SRCAP: variants seen among roughly 807,000 people sequenced by gnomAD.
SRCAP encodes Snf2 related CREBBP activator protein.
SRCAP carries 46 observed loss-of-function variants against 263.1 expected under a neutral mutation model. That is an observed-to-expected ratio of 0.17 (90% confidence interval 0.14 to 0.22). The LOEUF is 0.22. Among genes scored for constraint, SRCAP ranks in the 10% least tolerant of loss-of-function variants. The pLI is 1.00. For missense variants in SRCAP, 3,695 were observed against 4,181.9 expected (o/e 0.88, Z 3.21); for synonymous variants, 1,813 against 1,662.1 (o/e 1.09, Z -2.21).
rs974449703 is a variant in SRCAP at position 30,738,709 on chromosome 16, A to G, written c.8669A>G (p.Asn2890Ser). The G allele has an allele frequency of 2.4e-5, 39 of 1,613,828 alleles. No homozygotes were observed. The highest frequency in any genetic ancestry group is 3.0e-5 in the Non-Finnish European group (35 of 1,179,980). Reference protein sequence around the residue: ...APSSTLKGKTNGADPVPGPET... With the variant: ...APSSTLKGKTSGADPVPGPET... ...TCATCCACCTTGAAGGGAAAAACCA[A>G]TGGGGCTGACCCAGTCCCTGGGCCT... Residue 2890 changes from asparagine (N) to serine (S), a missense_variant, in exon 34 of 34, where the codon AAT (asparagine) becomes AGT (serine). By Grantham distance (46) the Asn-to-Ser change is conservative. This residue lies in a region of SRCAP where 1,207 missense variants were observed against 1,142.9 expected (regional missense o/e 1.06). Coordinates refer to ENST00000262518, the MANE Select transcript of SRCAP (RefSeq NM_006662.3).
At chr16:30,700,092 T>G (rs1423251958) in intron 2 of SRCAP, 111 bp downstream of exon 2, 5 of 152,172 alleles carry the variant, frequency 3.3e-5, no homozygotes, top group African/African-American at 1.2e-4. Context: ...CATGGGAATG[T>G]TTGCATGTGA....
intron 5 of SRCAP, 60 bp from the exon 6 acceptor site, chr16:30,707,512 T>C (rs1236031828): frequency 6.2e-7 from 1 of 1,606,614 alleles, no homozygotes; most frequent in Non-Finnish European, 8.5e-7. Context: ...TTATTTTCTT[T>C]GCCTTTGGGT....
In SRCAP at chr16:30,700,839, C is replaced by T. The variant is rs746338266; in HGVS notation, c.15C>T (p.Pro5=). 6.2e-7 allele frequency: 1 copy of T among 1,614,152 alleles called. No individual in the cohort carries two copies. Among genetic ancestry groups the T allele is most frequent in the Non-Finnish European group, 8.5e-7 (1 of 1,179,986 alleles). The change falls in exon 3 of 34, where the codon CCC becomes CCT. Residue 5 remains proline (P), a synonymous_variant. Coordinates refer to ENST00000262518, the MANE Select transcript of SRCAP (RefSeq NM_006662.3). MQSS[P]SPAHPQLPVL... ...GGAGTGGGACCATGCAGAGCAGCCC[C>T]TCCCCTGCTCACCCTCAGCTCCCAG...
chr16:30,701,901 G>A (rs1442316076), intron 3 of SRCAP, among the ~76,000 whole-genome samples: 3 of 150,668 alleles, frequency 2.0e-5, no homozygotes, highest in African/African-American at 4.9e-5. Flanking sequence ...CAAAGTATTA[G>A]GATTACAGGT....
At position 30,737,497 on chromosome 16, in the gene SRCAP, C is replaced by G; in HGVS notation, c.7457C>G (p.Pro2486Arg). Reference protein sequence around the residue: ...ILPVHILPSPPPPSQIPPCSS... With the variant: ...ILPVHILPSPRPPSQIPPCSS... ...CCTGTCCATATCTTGCCTTCTCCTC[C>G]CCCTCCTTCACAGATTCCTCCTTGT... The change falls in exon 34 of 34, where the codon CCC becomes CGC. Residue 2486 changes from proline (P) to arginine (R), a missense_variant. Physicochemically the swap from Pro to Arg is moderately radical, Grantham distance 103. This residue lies in a region of SRCAP where 1,207 missense variants were observed against 1,142.9 expected (regional missense o/e 1.06). Transcript: ENST00000262518. 1 of 1,597,776 alleles carries G rather than the reference C, an allele frequency of 6.3e-7. No individual in the cohort carries two copies. The highest frequency in any genetic ancestry group is 2.2e-5 in the East Asian group (1 of 44,802).
intron 18 of SRCAP, among the ~76,000 whole-genome samples, chr16:30,717,555 TC>T (rs1330714072): frequency 6.8e-6 from 1 of 147,342 alleles, no homozygotes; most frequent in Non-Finnish European, 1.5e-5. Context: ...CAAATAGTCC[TC>T]CCGCCTCAGC....
intron 10 of SRCAP, 126 bp downstream of exon 10, chr16:30,711,214 C>T: frequency 1.4e-6 from 1 of 735,534 alleles, no homozygotes; most frequent in South Asian, 1.6e-5. Context: ...ATGACTAAGA[C>T]AGACTTGTAA....
chr16:30,725,300 G>A (rs1050097198), intron 25 of SRCAP: 5 of 975,438 alleles, frequency 5.1e-6, no homozygotes, highest in African/African-American at 5.0e-5. Context: ...GGATTACAGG[G>A]GTGAGCCACC....
Position 30,738,231 on chromosome 16 carries a change from A to C in SRCAP, c.8191A>C (p.Arg2731=). 1 of 1,614,108 alleles carries C rather than the reference A, an allele frequency of 6.2e-7. No homozygotes were observed. The change falls in exon 34 of 34, where the codon AGG becomes CGG. Residue 2731 remains arginine, a synonymous_variant. Coordinates refer to ENST00000262518, the MANE Select transcript of SRCAP (RefSeq NM_006662.3). The stretch of plus-strand genomic sequence containing the variant: ...TCGCACCAGTGCTGATGTGGAAATT[A>C]GGGGTCAAGGGACTGGTCGGCCAGG... ...RRRTSADVEI[R]GQGTGRPGQP...
rs753715138 is a variant in SRCAP, at chr16:30,724,425, G to C, written c.5001G>C (p.Pro1667=). The C allele has an allele frequency of 6.2e-7, 1 of 1,614,128 alleles. No homozygotes were observed. The highest frequency in any genetic ancestry group is 1.1e-5 in the South Asian group (1 of 91,084). The change falls in exon 25 of 34, where the codon CCG becomes CCC. Residue 1667 remains proline (P), a synonymous_variant. Coordinates refer to ENST00000262518, the MANE Select transcript of SRCAP (RefSeq NM_006662.3). ...PSSTQTMLPA[P]VPSPLPSPAS... is the part of the protein sequence containing the mutation. ...CAACTCAAACTATGCTACCAGCCCC[G>C]GTTCCGTCACCTCTCCCGAGCCCGG...
Position 30,724,422 on chromosome 16 carries a change from C to G in SRCAP, c.4998C>G (p.Ala1666=). 3.7e-6 allele frequency: 6 copies of G among 1,614,206 alleles called. No individual in the cohort carries two copies. Among genetic ancestry groups the G allele is most frequent in the Non-Finnish European group, 2.5e-6 (3 of 1,180,036 alleles). The change falls in exon 25 of 34, where the codon GCC becomes GCG. Residue 1666 remains alanine, a synonymous_variant. Coordinates refer to ENST00000262518, the MANE Select transcript of SRCAP (RefSeq NM_006662.3). ...APSSTQTMLP[A]PVPSPLPSPA... ...CATCAACTCAAACTATGCTACCAGC[C>G]CCGGTTCCGTCACCTCTCCCGAGCC...
At chr16:30,707,486 G>T (rs1369601257) in intron 5 of SRCAP, 86 bp from the exon 6 acceptor site, 1 of 1,605,824 alleles carries the variant, frequency 6.2e-7, no homozygotes, top group African/African-American at 1.3e-5. Context: ...TGATTTTCCA[G>T]ATTTCTTGGC....
chr16:30,723,187 C>T lies in SRCAP; in HGVS notation c.4117C>T (p.Pro1373Ser), dbSNP rs1225646551. ...CATGCCCACACCCACTCTGGTGAGG[C>T]CTCTTCTCAAGCTGGTCCACAGTCC... Reference protein sequence around the residue: ...APMPTPTLVRPLLKLVHSPSP... With the variant: ...APMPTPTLVRSLLKLVHSPSP... Residue 1373 changes from proline to serine, a missense_variant, in exon 24 of 34, where the codon CCT becomes TCT. This residue lies in a region of SRCAP where 1,347 missense variants were observed against 1,304.4 expected (regional missense o/e 1.03). Coordinates refer to ENST00000262518, the MANE Select transcript of SRCAP (RefSeq NM_006662.3). 6.2e-7 allele frequency: 1 copy of T among 1,613,980 alleles called. No homozygotes were observed. The highest frequency in any genetic ancestry group is 8.5e-7 in the Non-Finnish European group (1 of 1,179,942).
At chr16:30,723,332 G>A (rs375507514) in intron 24 of SRCAP, 103 bp downstream of exon 24, 4 of 1,476,664 alleles carry the variant, frequency 2.7e-6, no homozygotes, top group African/African-American at 2.8e-5. Context: ...TCATATCAGC[G>A]TACTGCCTTG....
At chr16:30,701,071 A>G (rs572773063) in intron 3 of SRCAP, among the ~76,000 whole-genome samples, 193 bp downstream of exon 3, 1 of 152,226 alleles carries the variant, frequency 6.6e-6, no homozygotes, top group African/African-American at 2.4e-5. Context: ...TATCTCCAAG[A>G]GTGTAAAAGC....
rs1381563838 is a variant in SRCAP, at chr16:30,739,198, G to C, written c.9158G>C (p.Ser3053Thr). 6.2e-7 allele frequency: 1 copy of C among 1,613,782 alleles called. No individual in the cohort carries two copies. The highest frequency in any genetic ancestry group is 1.7e-5 in the Admixed American group (1 of 60,030). The change falls in exon 34 of 34, where the codon AGT becomes ACT. Residue 3053 changes from serine (S) to threonine (T), a missense_variant. This residue lies in a region of SRCAP where 1,207 missense variants were observed against 1,142.9 expected (regional missense o/e 1.06). Coordinates refer to ENST00000262518, the MANE Select transcript of SRCAP (RefSeq NM_006662.3). Reference protein sequence around the residue: ...QPQGQGESEGSSSDEDGSRPL... With the variant: ...QPQGQGESEGTSSDEDGSRPL... ...CAGGGCCAAGGGGAGAGTGAGGGTA[G>C]TTCCTCTGATGAGGATGGAAGCCGC... is the stretch of plus-strand genomic sequence containing the variant.
At chr16:30,716,569 T>G (rs988457528) in intron 18 of SRCAP, 90 bp downstream of exon 18, 25 of 1,157,938 alleles carry the variant, frequency 2.2e-5, no homozygotes, top group Middle Eastern at 4.8e-4. Context: ...GTCTGACTTT[T>G]GCATCCTCAT....
At chr16:30,726,632 C>A (rs756118754) in intron 25 of SRCAP, among the ~76,000 whole-genome samples, 12 of 151,656 alleles carry the variant, frequency 7.9e-5, no homozygotes, top group African/African-American at 2.9e-4. Flanking sequence ...GTGACCCCAC[C>A]TCAACCTCCC....
chr16:30,723,591 C>T lies in SRCAP; in HGVS notation c.4167C>T (p.Ala1389=), dbSNP rs143704906. The change falls in exon 25 of 34, where the codon GCC becomes GCT. Residue 1389 remains alanine (A), a synonymous_variant. Coordinates refer to ENST00000262518, the MANE Select transcript of SRCAP (RefSeq NM_006662.3). ...HSPSPEVSAS[A]PGAAPLTISS... is the part of the protein sequence containing the mutation. ...CATCCTCTCTCTCCACAGCTTCAGC[C>T]CCCGGAGCTGCCCCCTTGACCATCT... is the stretch of plus-strand genomic sequence containing the variant. 4 of 1,612,252 alleles carry T rather than the reference C, an allele frequency of 2.5e-6. No homozygotes were observed. Among genetic ancestry groups the T allele is most frequent in the Middle Eastern group, 1.7e-4 (1 of 6,050 alleles).
Sources: allele counts gnomAD v4.1 joint callset (sites outside exome capture counted in the v4.1 genomes callset), GRCh38; gene constraint gnomAD v4.1.1; regional missense constraint gnomAD v4.1.1; transcripts MANE v1.5; gene names NCBI Gene and HGNC (gene_info 2026-07-23, HGNC 2026-07-21).